Variants in NOL4L observed in about 807,000 individuals in gnomAD.
The protein encoded by NOL4L is nucleolar protein 4 like.
Under a neutral mutation model 64.5 loss-of-function variants are expected in NOL4L, and 7 were observed. The ratio of observed to expected loss-of-function variants is 0.11; its 90% CI spans 0.06 to 0.20. NOL4L has a LOEUF of 0.20. NOL4L is among the 10% of genes least tolerant of loss of function. NOL4L has a pLI of 1.00. For synonymous variants in NOL4L, 413 were observed against 401.0 expected, an observed-to-expected ratio of 1.03 and a Z score of -0.36; for missense variants, 680 against 967.1, an observed-to-expected ratio of 0.70 and a Z score of 3.94.
At chr20:32,535,878 G>A (rs2018504913) in intron 1 of NOL4L, 3 of 985,412 alleles carry the variant, frequency 3.0e-6, no homozygotes, top group African/African-American at 1.7e-5. Flanking sequence ...GGAGGGAGGA[G>A]TACTGTCCAG....
At chr20:32,564,197 A>C (rs1311490317) in intron 1 of NOL4L, among the ~76,000 whole-genome samples, 2 of 152,204 alleles carry the variant, frequency 1.3e-5, no homozygotes, top group Non-Finnish European at 2.9e-5. Context: ...GCCGCGCCCC[A>C]GGAAGGCCAG....
intron 1 of NOL4L, among the ~76,000 whole-genome samples, chr20:32,529,506 C>T (rs963811943): frequency 2.6e-5 from 4 of 152,140 alleles, no homozygotes; most frequent in African/African-American, 7.2e-5. Context: ...TGGGAGGTGA[C>T]GCTCGCTCAC....
At chr20:32,567,689 G>C (rs1568717985) in intron 1 of NOL4L, among the ~76,000 whole-genome samples, 1 of 152,204 alleles carries the variant, frequency 6.6e-6, no homozygotes, top group East Asian at 1.9e-4. Context: ...CCTTGGGCAA[G>C]TGGCATAAGA....
chr20:32,523,760 T>G (rs925080152), intron 2 of NOL4L, among the ~76,000 whole-genome samples: 1 of 152,162 alleles, frequency 6.6e-6, no homozygotes, highest in African/African-American at 2.4e-5. Context: ...TCCCCGGGCC[T>G]CCTGCCTGGA....
chr20:32,500,376 CG>C (rs2016869757), intron 4 of NOL4L, among the ~76,000 whole-genome samples: 1 of 138,266 alleles, frequency 7.2e-6, no homozygotes, highest in Non-Finnish European at 1.5e-5. Context: ...TTTTTTGAGA[CG>C]GAGTCTTGCT....
At chr20:32,508,100 T>C (rs1046772552) in intron 4 of NOL4L, among the ~76,000 whole-genome samples, 1 of 152,356 alleles carries the variant, frequency 6.6e-6, no homozygotes. Flanking sequence ...GTAACCTGCA[T>C]TAGAAATTTG....
chr20:32,520,788 C>T, intron 3 of NOL4L, 23 bp downstream of exon 3: 1 of 1,473,598 alleles, frequency 6.8e-7, no homozygotes, highest in Non-Finnish European at 9.3e-7. Flanking sequence ...CGCCCTAGCC[C>T]TCCAGCACGC....
chr20:32,545,923 T>C (rs1228419692), intron 1 of NOL4L, among the ~76,000 whole-genome samples: 1 of 151,594 alleles, frequency 6.6e-6, no homozygotes, highest in Non-Finnish European at 1.5e-5. Flanking sequence ...GACACTTAGG[T>C]TGTAATTCTT....
At chr20:32,514,350 G>A (rs988252273) in intron 3 of NOL4L, among the ~76,000 whole-genome samples, 2 of 152,020 alleles carry the variant, frequency 1.3e-5, no homozygotes, top group African/African-American at 4.8e-5. Flanking sequence ...GAATTAGCTG[G>A]GCATGGTGGC....
rs773303791 is a variant in NOL4L, at chr20:32,443,295, C to A, written c.*4301G>T. Reference sequence around the variant, plus strand: ...ATTTAGTCACATCACGTAGAGAAGACACATTCTAAGAATTAAAATATTAAG... The same window carrying A: ...ATTTAGTCACATCACGTAGAGAAGAAACATTCTAAGAATTAAAATATTAAG... On this transcript the variant is annotated 3_prime_UTR_variant, in exon 11 of 11. Transcript: ENST00000621426. The A allele has an allele frequency of 1.3e-5, 2 of 152,182 alleles. No homozygotes were observed. The highest frequency in any genetic ancestry group is 2.9e-5 in the Non-Finnish European group (2 of 68,032). 9.4% of individuals were successfully genotyped at this position (152,182 alleles called of 1,614,324 possible). A position where few individuals can be genotyped will look rare whatever the true frequency, so the allele number is the denominator to read the frequency against.
At chr20:32,575,696 G>T (rs1980053144) in intron 1 of NOL4L, among the ~76,000 whole-genome samples, 1 of 152,220 alleles carries the variant, frequency 6.6e-6, no homozygotes, top group South Asian at 2.1e-4. Flanking sequence ...CCCTGCTAGT[G>T]CTCATGGCCT....
At chr20:32,498,046 G>A (rs1600761949) in intron 4 of NOL4L, among the ~76,000 whole-genome samples, 1 of 152,184 alleles carries the variant, frequency 6.6e-6, no homozygotes, top group Admixed American at 6.5e-5. Flanking sequence ...TGGCATTCTC[G>A]CATTTGTAGG....
At chr20:32,496,602 G>A (rs147385129) in intron 4 of NOL4L, among the ~76,000 whole-genome samples, 2,175 of 151,846 alleles carry the variant, frequency 0.014, 54 homozygotes, top group African/African-American at 0.05. Context: ...CCAAGCTGGA[G>A]TACAGTGGCA....
At chr20:32,575,698 T>TCATG (rs1313698112) in intron 1 of NOL4L, among the ~76,000 whole-genome samples, 1 of 152,184 alleles carries the variant, frequency 6.6e-6, no homozygotes, top group African/African-American at 2.4e-5. Context: ...CTGCTAGTGC[T>TCATG]CATGGCCTTG....
At chr20:32,461,790 A>G (rs1430870282) in intron 5 of NOL4L, among the ~76,000 whole-genome samples, 2 of 150,432 alleles carry the variant, frequency 1.3e-5, no homozygotes, top group Non-Finnish European at 1.5e-5. Context: ...TCTTCCAAGC[A>G]CTTATCCTCT....
At chr20:32,583,899 G>GT (rs1392177587) in intron 1 of NOL4L, among the ~76,000 whole-genome samples, 21 of 150,052 alleles carry the variant, frequency 1.4e-4, no homozygotes, top group African/African-American at 5.1e-4. Context: ...CCATGAAGGG[G>GT]GAACGAGGGG....
At chr20:32,490,205 A>G (rs1831214725) in intron 4 of NOL4L, among the ~76,000 whole-genome samples, 1 of 150,874 alleles carries the variant, frequency 6.6e-6, no homozygotes. Context: ...TTTTCCTACT[A>G]GGTAGGGCTA....
chr20:32,578,456 G>A (rs1188075166), intron 1 of NOL4L, among the ~76,000 whole-genome samples: 2 of 152,178 alleles, frequency 1.3e-5, no homozygotes, highest in South Asian at 2.1e-4. Context: ...CATGATCACA[G>A]CTCACTGCAG....
intron 4 of NOL4L, among the ~76,000 whole-genome samples, chr20:32,495,879 C>T (rs2016668681): frequency 2.0e-5 from 3 of 152,106 alleles, no homozygotes; most frequent in Admixed American, 2.0e-4. Flanking sequence ...ATTGCTTGAG[C>T]TCAGGAGGTC....
Sources: gnomAD v4.1 joint callset for allele counts (sites outside exome capture counted in the v4.1 genomes callset) on GRCh38, gnomAD v4.1.1 for gene constraint, MANE v1.5 for transcripts, NCBI Gene and HGNC (gene_info 2026-07-23, HGNC 2026-07-21) for gene names.